The following RANBP2 variants were observed in gnomAD, a reference collection of about 807,000 sequenced individuals.
RANBP2 encodes E3 SUMO-protein ligase RanBP2.
In RANBP2, 57 loss-of-function variants were observed where a neutral mutation model predicts 303.6. The ratio of observed to expected loss-of-function variants is 0.19; its 90% CI spans 0.15 to 0.23. The LOEUF (loss-of-function observed/expected upper bound fraction) is 0.23. RANBP2 is among the 10% of genes least tolerant of loss of function. The pLI is 1.00. For missense variants in RANBP2, 3,138 were observed against 3,780.8 expected (o/e 0.83, Z 4.46); for synonymous variants, 1,167 against 1,301.5 (o/e 0.90, Z 2.23).
the RANBP2 span, among the ~76,000 whole-genome samples, chr2:109,592,355 C>G: frequency 6.6e-6 from 1 of 151,796 alleles, no homozygotes; most frequent in South Asian, 2.1e-4. Context: ...ATCCCAGCTA[C>G]TTGGAAGGCT....
the RANBP2 span, among the ~76,000 whole-genome samples, chr2:109,214,857 C>T: frequency 2.0e-5 from 3 of 152,252 alleles, no homozygotes; most frequent in East Asian, 1.9e-4. Flanking sequence ...CTGGGGGTGA[C>T]GCGGACAGCA....
the RANBP2 span, chr2:109,347,760 C>G: frequency 6.2e-7 from 1 of 1,613,998 alleles, no homozygotes; most frequent in Non-Finnish European, 8.5e-7. Flanking sequence ...AGGGGGACAT[C>G]ATCGTCCTGC....
At chr2:109,614,050 C>T in the RANBP2 span, 15 of 1,211,944 alleles carry the variant, frequency 1.2e-5, no homozygotes, top group Admixed American at 3.0e-4. Context: ...TTTGCCTGCG[C>T]CAAGCGAGCC....
At chr2:108,950,193 TTCCCTCCCTACCTCCCTCCC>T in the RANBP2 span, among the ~76,000 whole-genome samples, 1 of 151,738 alleles carries the variant, frequency 6.6e-6, no homozygotes, top group Non-Finnish European at 1.5e-5. Context: ...TTCTCTTTCC[TTCCCTCCCTACCTCCCTCCC>T]TCCCTCCCTT....
chr2:109,538,835 T>C, the RANBP2 span, among the ~76,000 whole-genome samples: 1 of 152,248 alleles, frequency 6.6e-6, no homozygotes, highest in Non-Finnish European at 1.5e-5. Flanking sequence ...GTCTTTGTTA[T>C]GAGATTTTCT....
the RANBP2 span, among the ~76,000 whole-genome samples, chr2:109,146,885 T>TCCCCCCC: frequency 1.4e-4 from 2 of 14,404 alleles, no homozygotes; most frequent in African/African-American, 4.8e-4. Flanking sequence ...CTTTTTTCCC[T>TCCCCCCC]CCCCCCCCCC....
At chr2:109,598,406 TTTA>T in the RANBP2 span, among the ~76,000 whole-genome samples, 3 of 152,154 alleles carry the variant, frequency 2.0e-5, no homozygotes, top group Admixed American at 2.0e-4. Context: ...TTCCAAAATT[TTTA>T]TTATTATAAA....
intron 20 of RANBP2, 120 bp downstream of exon 20, chr2:108,768,508 A>G: frequency 1.3e-6 from 2 of 1,566,862 alleles, no homozygotes; most frequent in East Asian, 2.2e-5. Flanking sequence ...AACACCCCCA[A>G]AATATTTGAG....
chr2:109,710,261 A>G, the RANBP2 span, among the ~76,000 whole-genome samples: 12 of 152,110 alleles, frequency 7.9e-5, no homozygotes, highest in South Asian at 2.5e-3. Context: ...ACACACCTGT[A>G]GTCCCAGCTA....
At chr2:109,305,801 C>T in the RANBP2 span, among the ~76,000 whole-genome samples, 1 of 152,198 alleles carries the variant, frequency 6.6e-6, no homozygotes, top group Non-Finnish European at 1.5e-5. Context: ...GAGGTGGTCT[C>T]AGAGGCTGGG....
the RANBP2 span, among the ~76,000 whole-genome samples, chr2:108,990,235 T>G: frequency 6.6e-6 from 1 of 151,038 alleles, no homozygotes. Context: ...ATCGAGACCA[T>G]CCTGGCTAAC....
At chr2:109,130,912 C>T in the RANBP2 span, among the ~76,000 whole-genome samples, 3 of 152,068 alleles carry the variant, frequency 2.0e-5, no homozygotes, top group Non-Finnish European at 2.9e-5. Context: ...ACCTTGTGAA[C>T]AGTTACCAGG....
the RANBP2 span, among the ~76,000 whole-genome samples, chr2:108,803,461 G>C: frequency 6.6e-6 from 1 of 152,112 alleles, no homozygotes; most frequent in Non-Finnish European, 1.5e-5. Context: ...AATTGTTTTA[G>C]AGACAGAGTC....
At chr2:108,901,041 T>C in the RANBP2 span, among the ~76,000 whole-genome samples, 14 of 152,200 alleles carry the variant, frequency 9.2e-5, no homozygotes, top group Non-Finnish European at 1.6e-4. Flanking sequence ...CAACACGATC[T>C]AATCAACATT....
At chr2:109,362,054 ATT>A in the RANBP2 span, among the ~76,000 whole-genome samples, 1 of 151,306 alleles carries the variant, frequency 6.6e-6, no homozygotes, top group Non-Finnish European at 1.5e-5. Flanking sequence ...ATTTTTCTCT[ATT>A]GTTTTCAATT....
chr2:109,689,060 C>G, the RANBP2 span, among the ~76,000 whole-genome samples: 1 of 151,928 alleles, frequency 6.6e-6, no homozygotes, highest in South Asian at 2.1e-4. Context: ...GCACCCAAGA[C>G]CACGCCCAGC....
chr2:109,575,398 C>CT, the RANBP2 span, among the ~76,000 whole-genome samples: 1 of 152,246 alleles, frequency 6.6e-6, no homozygotes, highest in Non-Finnish European at 1.5e-5. Context: ...ACATCAGTAT[C>CT]TAACTAGTAA....
the RANBP2 span, among the ~76,000 whole-genome samples, chr2:109,675,822 G>A: frequency 1.3e-5 from 2 of 152,208 alleles, no homozygotes; most frequent in Non-Finnish European, 2.9e-5. Context: ...CTGTGGAGCA[G>A]AACAACTCCA....
the RANBP2 span, among the ~76,000 whole-genome samples, chr2:108,990,429 C>G: frequency 7.6e-6 from 1 of 131,596 alleles, no homozygotes; most frequent in Non-Finnish European, 1.6e-5. Flanking sequence ...CAGAGCGAGA[C>G]TCCGTCTCAA....
Sources: allele counts gnomAD v4.1 joint callset (sites outside exome capture counted in the v4.1 genomes callset), GRCh38; gene constraint gnomAD v4.1.1; transcripts MANE v1.5; gene names NCBI Gene and HGNC (gene_info 2026-07-23, HGNC 2026-07-21).